The following IGLL5 variants were observed in gnomAD, a reference collection of about 807,000 sequenced individuals.
The protein encoded by IGLL5 is immunoglobulin lambda like polypeptide 5.
A neutral mutation model predicts 20.9 loss-of-function variants in IGLL5; 30 were observed. That is an observed-to-expected ratio of 1.44 (90% CI 1.07 to 1.95). The LOEUF is 1.95. Among genes scored for constraint, IGLL5 ranks in the 30% most tolerant of loss-of-function variants. IGLL5 has a pLI of 0.00. For missense variants in IGLL5, 475 were observed against 270.7 expected, an observed-to-expected ratio of 1.75 and a Z score of -5.30; for synonymous variants, 203 against 117.3, an observed-to-expected ratio of 1.73 and a Z score of -4.72.
At chr22:22,894,044 G>A (rs748909410) in intron 2 of IGLL5, among the ~76,000 whole-genome samples, 6 of 150,952 alleles carry the variant, frequency 4.0e-5, no homozygotes, top group Admixed American at 1.3e-4. Flanking sequence ...GCCTGAGCTG[G>A]GATTGGGCAG....
At chr22:22,889,813 T>C (rs1224164140) in intron 1 of IGLL5, among the ~76,000 whole-genome samples, 3 of 151,404 alleles carry the variant, frequency 2.0e-5, no homozygotes, top group East Asian at 2.0e-4. Flanking sequence ...CTCAGGCCTG[T>C]CTCAAATTCC....
At chr22:22,889,614 G>A in intron 1 of IGLL5, among the ~76,000 whole-genome samples, 1 of 151,210 alleles carries the variant, frequency 6.6e-6, no homozygotes, top group African/African-American at 2.4e-5. Flanking sequence ...TTTTGAAACA[G>A]TCTTGATCTG....
intron 2 of IGLL5, among the ~76,000 whole-genome samples, chr22:22,894,172 AC>A: frequency 6.6e-6 from 1 of 151,422 alleles, no homozygotes; most frequent in African/African-American, 2.4e-5. Flanking sequence ...GGGGTCAAGG[AC>A]AGAGGCTGCT....
chr22:22,894,650 T>C (rs186223965), intron 2 of IGLL5, among the ~76,000 whole-genome samples: 5 of 148,550 alleles, frequency 3.4e-5, no homozygotes, highest in Admixed American at 1.3e-4. Flanking sequence ...CAGGTGAAGT[T>C]TGGGGTCATC....
chr22:22,888,292 G>C (rs972606475), intron 1 of IGLL5, 33 bp downstream of exon 1: 3 of 1,538,740 alleles, frequency 1.9e-6, no homozygotes, highest in Non-Finnish European at 2.6e-6. Flanking sequence ...GGATGTGGGG[G>C]TCCTGCAGCA....
intron 1 of IGLL5, among the ~76,000 whole-genome samples, chr22:22,888,537 T>A (rs115786352): frequency 2.6e-5 from 4 of 151,360 alleles, no homozygotes; most frequent in African/African-American, 7.3e-5. Flanking sequence ...CACCTAGTCC[T>A]AGTCCTCTGG....
chr22:22,887,977 G>T lies in IGLL5; in HGVS notation c.-77G>T, dbSNP rs550913313. The T allele has an allele frequency of 1.5e-3, 1,802 of 1,180,394 alleles. 35 individuals are homozygous for T. The South Asian group carries it at 0.023, about 15-fold the overall frequency. The allele number at this position is 1,180,394 out of a possible 1,614,324, so 73.1% of individuals were successfully genotyped here. A position where few individuals can be genotyped will look rare whatever the true frequency, so the allele number is the denominator to read the frequency against. On this transcript the variant is annotated 5_prime_UTR_variant, in exon 1 of 3. Transcript: ENST00000526893. The stretch of plus-strand genomic sequence containing the variant: ...GGTGTACTGTAACAGCCCTGCTGGC[G>T]AGAGGGACCAGGGCACCGTCCTCCA...
intron 2 of IGLL5, among the ~76,000 whole-genome samples, chr22:22,894,855 C>T (rs748934902): frequency 1.3e-5 from 2 of 151,284 alleles, no homozygotes; most frequent in African/African-American, 2.4e-5. Flanking sequence ...TGGGCTGGGG[C>T]AGAGCCCGGT....
chr22:22,894,342 G>A (rs2068019449), intron 2 of IGLL5, among the ~76,000 whole-genome samples: 2 of 151,548 alleles, frequency 1.3e-5, no homozygotes, highest in East Asian at 2.0e-4. Context: ...GGAGGGCACA[G>A]AGAGGGCTCT....
intron 1 of IGLL5, among the ~76,000 whole-genome samples, chr22:22,888,563 A>C (rs2067616055): frequency 1.3e-5 from 2 of 151,370 alleles, no homozygotes; most frequent in South Asian, 2.1e-4. Flanking sequence ...GAAGGAACAG[A>C]GGCAGGGACA....
In IGLL5 at chr22:22,895,610, G is replaced by A. The variant is rs1290248594; in HGVS notation, c.561G>A (p.Trp187Ter). The A allele has an allele frequency of 6.2e-7, 1 of 1,613,338 alleles. No individual in the cohort carries two copies. Among genetic ancestry groups the A allele is most frequent in the Admixed American group, 1.7e-5 (1 of 59,910 alleles). Residue 187 changes from tryptophan (W) to a stop codon, truncating the protein, a stop_gained, in exon 3 of 3, where the codon TGG becomes TGA. Coordinates refer to ENST00000526893, the MANE Select transcript of IGLL5 (RefSeq NM_001178126.2). LOFTEE classifies it high-confidence loss of function. ...SSYLSLTPEQ[W>*]KSHRSYSCQV... ...ACCTGAGCCTGACGCCCGAGCAGTG[G>A]AAGTCCCACAGAAGCTACAGCTGCC...
rs180844836 is a variant in IGLL5 at position 22,888,235 on chromosome 22, C to A, written c.182C>A (p.Ser61Tyr). The A allele has an allele frequency of 1.3e-6, 2 of 1,547,856 alleles. No individual in the cohort carries two copies. The highest frequency in any genetic ancestry group is 2.5e-5 in the East Asian group (1 of 40,590). The change falls in exon 1 of 3, where the codon TCC (serine) becomes TAC (tyrosine). Residue 61 changes from serine to tyrosine, a missense_variant. Transcript: ENST00000526893. ...DPGASVGSSR[S>Y]SLRSLWGRLL... ...GGAGCCTCAGTTGGAAGCAGCCGAT[C>A]CAGCCTGCGGAGCCTGTGGGGCAGG...
chr22:22,888,438 T>A (rs1569079694), intron 1 of IGLL5, among the ~76,000 whole-genome samples, 179 bp downstream of exon 1: 2 of 151,506 alleles, frequency 1.3e-5, no homozygotes, highest in East Asian at 2.0e-4. Context: ...TTTGAATTAC[T>A]GTTTTTAATA....
chr22:22,888,181 T>G lies in IGLL5; in HGVS notation c.128T>G (p.Val43Gly), dbSNP rs188930549. 7.7e-6 allele frequency: 12 copies of G among 1,548,816 alleles called. 1 individual carries two copies. The highest frequency in any genetic ancestry group is 3.5e-4 in the Middle Eastern group (2 of 5,764). ...MVAHGLLRPMVAPQSGDPDPG... is the reference protein window; with the variant it reads ...MVAHGLLRPMGAPQSGDPDPG... ...GCCCATGGCCTGCTGCGCCCAATGG[T>G]TGCACCGCAAAGCGGGGACCCAGAC... is the stretch of plus-strand genomic sequence containing the variant. Residue 43 changes from valine to glycine, a missense_variant, in exon 1 of 3, where the codon GTT (valine) becomes GGT (glycine). Transcript: ENST00000526893.
chr22:22,887,834 T>G lies in IGLL5; in HGVS notation c.-220T>G, dbSNP rs1014492262. On this transcript the variant is annotated 5_prime_UTR_variant, in exon 1 of 3. Coordinates refer to ENST00000526893, the MANE Select transcript of IGLL5 (RefSeq NM_001178126.2). ...CTGGATTGTGACCGCTTCAGGGCAGTTGGTAGATGCCCCTCTGGGAGAGAT... is the reference window on the plus strand; with the variant it reads ...CTGGATTGTGACCGCTTCAGGGCAGGTGGTAGATGCCCCTCTGGGAGAGAT... 6.6e-6 allele frequency: 4 copies of G among 602,112 alleles called. No homozygotes were observed. The highest frequency in any genetic ancestry group is 8.9e-6 in the Non-Finnish European group (3 of 336,556). The allele number at this position is 602,112 out of a possible 1,614,324, so 37.3% of individuals were successfully genotyped here.
intron 2 of IGLL5, 21 bp from the exon 3 acceptor site, chr22:22,895,354 C>A (rs746659018): frequency 4.9e-5 from 79 of 1,607,420 alleles, no homozygotes; most frequent in Non-Finnish European, 6.7e-5. Flanking sequence ...CCCTCTCTCA[C>A]CCCCTTCCCT....
At chr22:22,892,731 G>T (rs562662329) in intron 1 of IGLL5, among the ~76,000 whole-genome samples, 1 of 151,090 alleles carries the variant, frequency 6.6e-6, no homozygotes, top group South Asian at 2.1e-4. Flanking sequence ...GCTGGAAATA[G>T]GGATCTAAGA....
intron 2 of IGLL5, among the ~76,000 whole-genome samples, chr22:22,894,940 A>G (rs1041175512): frequency 2.0e-5 from 3 of 151,444 alleles, no homozygotes; most frequent in African/African-American, 4.8e-5. Context: ...GGACAGTCCT[A>G]CAGGATGAGC....
intron 2 of IGLL5, among the ~76,000 whole-genome samples, chr22:22,894,212 A>G (rs1601624598): frequency 3.3e-5 from 5 of 151,288 alleles, no homozygotes; most frequent in East Asian, 2.0e-4. Flanking sequence ...GCTGAGTCTC[A>G]TAGTCTAGGG....
Sources: gnomAD v4.1 joint callset for allele counts (sites outside exome capture counted in the v4.1 genomes callset) on GRCh38, gnomAD v4.1.1 for gene constraint, MANE v1.5 for transcripts, NCBI Gene and HGNC (gene_info 2026-07-23, HGNC 2026-07-21) for gene names.